Variants in MERTK observed in about 807,000 individuals in gnomAD.
MERTK encodes tyrosine-protein kinase Mer.
MERTK carries 69 observed loss-of-function variants against 99.3 expected under a neutral mutation model. That is an observed-to-expected ratio of 0.70 (90% CI 0.57 to 0.85). The LOEUF (loss-of-function observed/expected upper bound fraction) is 0.85. Among genes scored for constraint, MERTK ranks in the 40% least tolerant of loss-of-function variants. MERTK has a pLI of 0.00. For missense variants in MERTK, 1,125 were observed against 1,249.4 expected (o/e 0.90, Z 1.50); for synonymous variants, 426 against 467.6 (o/e 0.91, Z 1.15).
intron 8 of MERTK, among the ~76,000 whole-genome samples, chr2:111,991,137 C>G (rs540808651): frequency 3.3e-5 from 5 of 152,316 alleles, no homozygotes; most frequent in African/African-American, 1.2e-4. Flanking sequence ...TGGAGTTACT[C>G]TACCTGATGA....
Position 112,029,040 on chromosome 2 carries a change from T to C in MERTK, c.*176T>C. ...ATTAAAAATACATAATATATATTTA[T>C]TTAAAGAGAAAAAATATGTGTATAT... On this transcript the variant is annotated 3_prime_UTR_variant, in exon 19 of 19. Coordinates refer to ENST00000295408, the MANE Select transcript of MERTK (RefSeq NM_006343.3). 1 of 1,378,688 alleles carries C rather than the reference T, an allele frequency of 7.3e-7. No homozygotes were observed. Among genetic ancestry groups the C allele is most frequent in the Non-Finnish European group, 9.4e-7 (1 of 1,060,670 alleles). 85.4% of individuals were successfully genotyped at this position (1,378,688 alleles called of 1,614,324 possible).
At chr2:111,976,522 C>CTGTGTG (rs70962971) in intron 7 of MERTK, among the ~76,000 whole-genome samples, 2,633 of 136,736 alleles carry the variant, frequency 0.019, 38 homozygotes, top group African/African-American at 0.036. Context: ...TGACAAAAAC[C>CTGTGTG]TGTGTGTGTG....
chr2:111,949,188 TC>T (rs1054225823), intron 4 of MERTK, among the ~76,000 whole-genome samples: 8 of 152,118 alleles, frequency 5.3e-5, no homozygotes, highest in Admixed American at 3.9e-4. Context: ...TCCTGTGTAC[TC>T]CTCCATTGCA....
chr2:112,000,854 C>T (rs193285444), intron 10 of MERTK, among the ~76,000 whole-genome samples: 1 of 152,292 alleles, frequency 6.6e-6, no homozygotes, highest in East Asian at 1.9e-4. Flanking sequence ...GTCTTTTCTT[C>T]CATTCATTCA....
chr2:112,025,058 A>T (rs1677437217), intron 18 of MERTK, among the ~76,000 whole-genome samples: 1 of 152,234 alleles, frequency 6.6e-6, no homozygotes, highest in African/African-American at 2.4e-5. Flanking sequence ...GAGGTCACGG[A>T]TGAGAGCAGG....
chr2:111,934,021 C>A (rs919380309), intron 2 of MERTK, among the ~76,000 whole-genome samples: 2 of 152,094 alleles, frequency 1.3e-5, no homozygotes, highest in African/African-American at 4.8e-5. Flanking sequence ...CGGTTTCCAG[C>A]GTCATCCATG....
In MERTK at chr2:111,921,030, T is replaced by C. The variant is rs555571567; in HGVS notation, c.62-8090T>C. On this transcript the variant is annotated intron_variant, in intron 1 of 18. Coordinates refer to ENST00000295408, the MANE Select transcript of MERTK (RefSeq NM_006343.3). ...AAGTAGAAAATTTCCTTTTGTGCTA[T>C]GTTTGGCCTCAGCTAGCTGTGGGGG... is the stretch of plus-strand genomic sequence containing the variant. 4.6e-5 allele frequency among the ~76,000 whole-genome samples: 7 copies of C among 152,298 alleles called. No individual in the cohort carries two copies. In the South Asian group the frequency reaches 6.2e-4, roughly 14 times the overall value.
chr2:111,980,978 G>A (rs573366116), intron 7 of MERTK, among the ~76,000 whole-genome samples: 9 of 152,256 alleles, frequency 5.9e-5, no homozygotes, highest in Admixed American at 3.9e-4. Flanking sequence ...GGTTTTGGGA[G>A]GAGGCAGACA....
At chr2:111,981,150 G>T (rs2104739682) in intron 7 of MERTK, among the ~76,000 whole-genome samples, 1 of 152,268 alleles carries the variant, frequency 6.6e-6, no homozygotes, top group South Asian at 2.1e-4. Flanking sequence ...GAAAAAGAGG[G>T]TTATAGTATC....
intron 14 of MERTK, 120 bp downstream of exon 14, chr2:112,008,595 T>C (rs1397776774): frequency 1.2e-6 from 1 of 810,542 alleles, no homozygotes; most frequent in Non-Finnish European, 2.2e-6. Flanking sequence ...ACATAACTTA[T>C]AACATTGAGG....
rs746291728 is a variant in MERTK at position 112,028,394 on chromosome 2, C to T, written c.2530C>T (p.Arg844Cys). The part of the protein sequence containing the change: ...YSCWRTDPLD[R>C]PTFSVLRLQL... Reference sequence around the variant, plus strand: ...TTGCTGGAGAACCGATCCCTTAGACCGCCCCACCTTTTCAGTATTGAGGCT... The same window carrying T: ...TTGCTGGAGAACCGATCCCTTAGACTGCCCCACCTTTTCAGTATTGAGGCT... Residue 844 changes from arginine (R) to cysteine (C), a missense_variant, in exon 19 of 19, where the codon CGC becomes TGC. Arg to Cys is a radical substitution (Grantham distance 180). Transcript: ENST00000295408. The T allele has an allele frequency of 8.1e-6, 13 of 1,614,002 alleles. No individual in the cohort carries two copies. Among genetic ancestry groups the T allele is most frequent in the Middle Eastern group, 1.6e-4 (1 of 6,084 alleles).
At chr2:112,007,013 T>C (rs1009774237) in intron 13 of MERTK, among the ~76,000 whole-genome samples, 2 of 98,892 alleles carry the variant, frequency 2.0e-5, no homozygotes, top group African/African-American at 6.8e-5. Flanking sequence ...CAAGCCAGAC[T>C]TTTTATTTGT....
chr2:111,999,277 T>C (rs1676819419), intron 10 of MERTK, among the ~76,000 whole-genome samples: 1 of 152,204 alleles, frequency 6.6e-6, no homozygotes, highest in African/African-American at 2.4e-5. Context: ...ATTATTAAAA[T>C]AGACTTCATT....
At chr2:112,022,147 A>G (rs975032259) in intron 17 of MERTK, 111 bp from the exon 18 acceptor site, 10 of 1,481,418 alleles carry the variant, frequency 6.8e-6, no homozygotes, top group Middle Eastern at 4.0e-4. Context: ...CATAATTGCC[A>G]GCTTTGTGCA....
At chr2:111,975,026 CA>C (rs1676215454) in intron 6 of MERTK, among the ~76,000 whole-genome samples, 2 of 152,104 alleles carry the variant, frequency 1.3e-5, no homozygotes, top group Admixed American at 1.3e-4. Context: ...TTCTAATCAT[CA>C]TAATTATTTG....
chr2:111,916,469 C>T (rs1261971548), intron 1 of MERTK, among the ~76,000 whole-genome samples: 2 of 151,776 alleles, frequency 1.3e-5, no homozygotes, highest in African/African-American at 2.4e-5. Context: ...TTCTTTTGTT[C>T]CCCTTTCATT....
chr2:112,006,009 T>C (rs1676972940), intron 13 of MERTK, among the ~76,000 whole-genome samples: 2 of 152,048 alleles, frequency 1.3e-5, no homozygotes, highest in Admixed American at 1.3e-4. Context: ...GCCTCCTGAG[T>C]AGCTGGGATT....
intron 1 of MERTK, among the ~76,000 whole-genome samples, chr2:111,913,362 G>A (rs1684287389): frequency 6.6e-6 from 1 of 152,082 alleles, no homozygotes; most frequent in Non-Finnish European, 1.5e-5. Flanking sequence ...TGCTTTGTTA[G>A]ATTTATACCT....
intron 15 of MERTK, among the ~76,000 whole-genome samples, chr2:112,014,502 G>A (rs1007505234): frequency 6.6e-6 from 1 of 151,742 alleles, no homozygotes; most frequent in South Asian, 2.1e-4. Context: ...TCTTGGGGGT[G>A]TGGAAATTTC....
Sources: allele counts gnomAD v4.1 joint callset (sites outside exome capture counted in the v4.1 genomes callset), GRCh38; gene constraint gnomAD v4.1.1; transcripts MANE v1.5; gene names NCBI Gene and HGNC (gene_info 2026-07-23, HGNC 2026-07-21).